Variants in BDP1 observed in about 807,000 individuals in gnomAD.
BDP1 encodes the protein BDP1 general transcription factor IIIB subunit.
Under a neutral mutation model 266.6 loss-of-function variants are expected in BDP1, and 169 were observed. That is an observed-to-expected ratio of 0.63 (90% CI 0.56 to 0.72). The LOEUF is 0.72. Among genes scored for constraint, BDP1 ranks in the 30% least tolerant of loss-of-function variants. The pLI is 0.00. For missense variants in BDP1, 3,015 were observed against 3,053.8 expected (o/e 0.99, Z 0.30); for synonymous variants, 1,090 against 1,022.4 (o/e 1.07, Z -1.26).
rs1175611037 is a variant in BDP1 at position 71,516,043 on chromosome 5, C to A, written c.4650-18C>A. On this transcript the variant is annotated intron_variant, in intron 20 of 38. Coordinates refer to ENST00000358731, the MANE Select transcript of BDP1 (RefSeq NM_018429.3). ...TTACAGTCAAGCGCCCTGCCTTTCT[C>A]CCTGTCCCCTTGTTTAGGACTAATA... The A allele has an allele frequency of 3.8e-6, 6 of 1,575,892 alleles. No individual in the cohort carries two copies. Among genetic ancestry groups the A allele is most frequent in the Non-Finnish European group, 5.2e-6 (6 of 1,157,498 alleles).
At position 71,458,793 on chromosome 5, in the gene BDP1, T is replaced by C; in HGVS notation, c.427T>C (p.Tyr143His). Residue 143 changes from tyrosine (Y) to histidine (H), a missense_variant, in exon 2 of 39, where the codon TAC becomes CAC. Around this residue, in one of 3 missense-constraint regions of BDP1, gnomAD observed 2,383 missense variants for 2,404.9 expected, o/e 0.99. Transcript: ENST00000358731. ...TKEKQPCSDR[Y>H]RIYKAQKLRE... ...AGAGAAACAGCCATGCTCAGACAGA[T>C]ACCGAATATACAAAGCCCAGAAACT... is the stretch of plus-strand genomic sequence containing the variant. The C allele has an allele frequency of 1.9e-6, 3 of 1,614,084 alleles. No homozygotes were observed. Among genetic ancestry groups the C allele is most frequent in the Non-Finnish European group, 2.5e-6 (3 of 1,179,976 alleles).
chr5:71,464,141 A>G (rs1265676091), intron 4 of BDP1, 24 bp downstream of exon 4: 4 of 1,379,560 alleles, frequency 2.9e-6, no homozygotes, highest in Non-Finnish European at 4.0e-6. Context: ...TTTTGAATAT[A>G]TTCTATTCCT....
Position 71,517,462 on chromosome 5 carries a change from C to A in BDP1, c.4991+10C>A. 6.5e-7 allele frequency: 1 copy of A among 1,544,200 alleles called. No individual in the cohort carries two copies. Among genetic ancestry groups the A allele is most frequent in the Non-Finnish European group, 8.7e-7 (1 of 1,154,224 alleles). ...CAAATGAAACAATCAGGTGAGTTTGCTTTTAATGAGAAAAAATAAGACTTT... is the reference window on the plus strand; with the variant it reads ...CAAATGAAACAATCAGGTGAGTTTGATTTTAATGAGAAAAAATAAGACTTT... On this transcript the variant is annotated intron_variant, in intron 22 of 38. Transcript: ENST00000358731.
downstream of BDP1, among the ~76,000 whole-genome samples, chr5:71,571,278 G>T (rs1744254533): frequency 6.6e-6 from 1 of 152,144 alleles, no homozygotes; most frequent in Admixed American, 6.6e-5. Flanking sequence ...CCAAGTAGCT[G>T]GGACTATAGG....
chr5:71,563,267 C>T (rs557558902), intron 38 of BDP1, among the ~76,000 whole-genome samples: 196 of 152,238 alleles, frequency 1.3e-3, no homozygotes, highest in Middle Eastern at 0.01. Context: ...CCTGTCTCAG[C>T]TTCTCGATTA....
At chr5:71,543,806 A>G (rs1028356255) in intron 30 of BDP1, among the ~76,000 whole-genome samples, 7 of 152,214 alleles carry the variant, frequency 4.6e-5, no homozygotes, top group African/African-American at 1.7e-4. Context: ...AGTGCTTCCA[A>G]CATCATTAAT....
At chr5:71,459,000 T>C (rs534885368) in intron 2 of BDP1, 145 bp downstream of exon 2, 1 of 701,254 alleles carries the variant, frequency 1.4e-6, no homozygotes, top group East Asian at 2.7e-5. Context: ...TTCTTGTTAA[T>C]GGATTGATTG....
intron 30 of BDP1, among the ~76,000 whole-genome samples, chr5:71,543,282 A>AAAAAAAG (rs555218385): frequency 6.6e-6 from 1 of 152,098 alleles, no homozygotes; most frequent in East Asian, 1.9e-4. Context: ...ACTTCATCTC[A>AAAAAAAG]AAAAAAGAAA....
rs573635455 is a variant in BDP1 at position 71,486,334 on chromosome 5, T to G, written c.1070-150T>G. On this transcript the variant is annotated intron_variant, in intron 8 of 38. Transcript: ENST00000358731. ...TTTCCCTGCTAAGACCAACCTATTCTGTTGCTGAGTGGTGTTCTGTTGTGT... is the reference window on the plus strand; with the variant it reads ...TTTCCCTGCTAAGACCAACCTATTCGGTTGCTGAGTGGTGTTCTGTTGTGT... 6 of 572,974 alleles carry G rather than the reference T, an allele frequency of 1.0e-5. No individual in the cohort carries two copies. In the South Asian group the frequency reaches 1.8e-4, roughly 17 times the overall value. The allele number at this position is 572,974 out of a possible 1,614,324, so 35.5% of individuals were successfully genotyped here. A position where few individuals can be genotyped will look rare whatever the true frequency, so the allele number is the denominator to read the frequency against.
Position 71,468,693 on chromosome 5 carries a change from G to T in BDP1, c.919+1206G>T, listed in dbSNP as rs1314689979. Reference sequence around the variant, plus strand: ...GCGATCTCGGCTCACTGCAACCTCTGCTTCCTGGGTTCAAGCGATTCTCCT... The same window carrying T: ...GCGATCTCGGCTCACTGCAACCTCTTCTTCCTGGGTTCAAGCGATTCTCCT... On this transcript the variant is annotated intron_variant, in intron 6 of 38. Coordinates refer to ENST00000358731, the MANE Select transcript of BDP1 (RefSeq NM_018429.3). Among the ~76,000 whole-genome samples, 4 of 144,202 alleles carry T rather than the reference G, an allele frequency of 2.8e-5. No homozygotes were observed. In the East Asian group the frequency reaches 8.3e-4, roughly 30 times the overall value. The allele number at this position is 144,202 out of a possible 152,430, so 94.6% of individuals were successfully genotyped here.
chr5:71,465,890 A>AG, intron 4 of BDP1, among the ~76,000 whole-genome samples: 1 of 152,134 alleles, frequency 6.6e-6, no homozygotes, highest in Non-Finnish European at 1.5e-5. Flanking sequence ...AAAAAAAAAA[A>AG]TAAGACTTCT....
chr5:71,576,137 G>A, the BDP1 span, among the ~76,000 whole-genome samples: 3 of 152,092 alleles, frequency 2.0e-5, no homozygotes, highest in Middle Eastern at 3.2e-3. Flanking sequence ...CGTGTTCTTG[G>A]CCATGTTAGC....
chr5:71,461,911 A>G lies in BDP1; in HGVS notation c.584A>G (p.Asp195Gly). The change falls in exon 3 of 39, where the codon GAT (aspartate) becomes GGT (glycine). Residue 195 changes from aspartate (D) to glycine (G), a missense_variant. By Grantham distance (94) the Asp-to-Gly change is moderately conservative. Around this residue, in one of 3 missense-constraint regions of BDP1, gnomAD observed 2,383 missense variants for 2,404.9 expected, o/e 0.99. Coordinates refer to ENST00000358731, the MANE Select transcript of BDP1 (RefSeq NM_018429.3). The stretch of plus-strand genomic sequence containing the variant: ...AGAGACTTCATATATTATCTACCAG[A>G]TAATAATCCAATGACGTAAGTAAAA... ...TMRDFIYYLP[D>G]NNPMTSSLEQ... is the part of the protein sequence containing the mutation. The G allele has an allele frequency of 6.6e-7, 1 of 1,508,144 alleles. No homozygotes were observed. The allele number at this position is 1,508,144 out of a possible 1,614,324, so 93.4% of individuals were successfully genotyped here.
intron 19 of BDP1, among the ~76,000 whole-genome samples, chr5:71,513,701 C>T (rs1765065030): frequency 6.6e-6 from 1 of 151,852 alleles, no homozygotes; most frequent in Admixed American, 6.6e-5. Context: ...GAAAAAATGA[C>T]AATAATAGTT....
intron 6 of BDP1, among the ~76,000 whole-genome samples, chr5:71,468,607 CTTTT>C (rs11376926): frequency 7.4e-6 from 1 of 134,812 alleles, no homozygotes; most frequent in African/African-American, 2.8e-5. Context: ...ACAATATTTC[CTTTT>C]TTTTTTTTTT....
chr5:71,537,149 CAAAAA>C (rs70992979), intron 26 of BDP1, among the ~76,000 whole-genome samples: 19 of 82,450 alleles, frequency 2.3e-4, no homozygotes, highest in East Asian at 4.2e-4. Context: ...ACCAAAAAAC[CAAAAA>C]AAAAAAAAAA....
At chr5:71,549,187 G>A (rs140778973) in intron 33 of BDP1, among the ~76,000 whole-genome samples, 26 of 152,266 alleles carry the variant, frequency 1.7e-4, no homozygotes, top group African/African-American at 6.0e-4. Context: ...GCAGTGAGCC[G>A]AGATTGTGCC....
At chr5:71,554,182 G>C (rs911974816) in intron 35 of BDP1, among the ~76,000 whole-genome samples, 1 of 152,130 alleles carries the variant, frequency 6.6e-6, no homozygotes, top group Admixed American at 6.6e-5. Flanking sequence ...TAAAAAAATG[G>C]CATATCCCAG....
In BDP1 at chr5:71,510,909, G is replaced by A. The variant is rs1346367553; in HGVS notation, c.3817G>A (p.Ala1273Thr). 1 of 1,613,680 alleles carries A rather than the reference G, an allele frequency of 6.2e-7. No individual in the cohort carries two copies. Among genetic ancestry groups the A allele is most frequent in the African/African-American group, 1.3e-5 (1 of 74,904 alleles). ...CATGGAGAAAGTATCAGGAAAGATG[G>A]CTGTTGTTGAAGAAATGGAGGCAGA... is the stretch of plus-strand genomic sequence containing the variant. ...PIMEKVSGKM[A>T]VVEEMEADLK... Residue 1273 changes from alanine to threonine, a missense_variant, in exon 17 of 39, where the codon GCT (alanine) becomes ACT (threonine). Around this residue, in one of 3 missense-constraint regions of BDP1, gnomAD observed 2,383 missense variants for 2,404.9 expected, o/e 0.99. Transcript: ENST00000358731.
Sources: allele counts gnomAD v4.1 joint callset (sites outside exome capture counted in the v4.1 genomes callset), GRCh38; gene constraint gnomAD v4.1.1; regional missense constraint gnomAD v4.1.1; transcripts MANE v1.5; gene names NCBI Gene and HGNC (gene_info 2026-07-23, HGNC 2026-07-21).